The following ATP6V0A2 variants were observed in gnomAD, a reference collection of about 807,000 sequenced individuals.
ATP6V0A2 encodes ATPase H+ transporting V0 subunit a2.
In ATP6V0A2, 58 loss-of-function variants were observed where a neutral mutation model predicts 104.4. The ratio of observed to expected loss-of-function variants is 0.56; its 90% confidence interval spans 0.45 to 0.69. The LOEUF is 0.69. Ranked by LOEUF, ATP6V0A2 falls within the 30% of genes least tolerant of loss-of-function variation. The probability of loss-of-function intolerance (pLI) is 0.00; values close to 1 mark genes in which losing one functional copy is unlikely to be tolerated. For synonymous variants in ATP6V0A2, 376 were observed against 397.9 expected, an observed-to-expected ratio of 0.95 and a Z score of 0.65; for missense variants, 938 against 1,062.9, an observed-to-expected ratio of 0.88 and a Z score of 1.63.
At chr12:123,729,268 A>G (rs1249017298) in intron 6 of ATP6V0A2, among the ~76,000 whole-genome samples, 1 of 147,998 alleles carries the variant, frequency 6.8e-6, no homozygotes, top group Non-Finnish European at 1.5e-5. Context: ...GTCCAGATGC[A>G]TGTTGCAATT....
intron 9 of ATP6V0A2, among the ~76,000 whole-genome samples, chr12:123,743,048 A>C (rs1444678991): frequency 6.6e-6 from 1 of 152,090 alleles, no homozygotes; most frequent in Non-Finnish European, 1.5e-5. Flanking sequence ...TTTTTTATTA[A>C]GTATATTGCA....
intron 9 of ATP6V0A2, among the ~76,000 whole-genome samples, chr12:123,741,874 G>A (rs1214460279): frequency 6.6e-6 from 1 of 152,172 alleles, no homozygotes; most frequent in Non-Finnish European, 1.5e-5. Context: ...AAGATGGCAG[G>A]TTCAGGATAG....
intron 18 of ATP6V0A2, chr12:123,756,597 G>T (rs987704850): frequency 4.5e-5 from 26 of 579,680 alleles, no homozygotes; most frequent in Non-Finnish European, 1.8e-5. Context: ...GATGGCCTCT[G>T]ATATTTTTGG....
At chr12:123,754,616 C>A in intron 18 of ATP6V0A2, 79 bp downstream of exon 18, 1 of 1,011,300 alleles carries the variant, frequency 9.9e-7, no homozygotes, top group Non-Finnish European at 1.6e-6. Flanking sequence ...GATATTTTAA[C>A]TTTGTAACTA....
In ATP6V0A2 at chr12:123,739,564, G is replaced by A. The variant is rs538751603; in HGVS notation, c.1038+2293G>A. Among the ~76,000 whole-genome samples, 22 of 152,258 alleles carry A rather than the reference G, an allele frequency of 1.4e-4. No individual in the cohort carries two copies. The South Asian group carries it at 4.6e-3, about 32-fold the overall frequency. On this transcript the variant is annotated intron_variant, in intron 9 of 19. Transcript: ENST00000330342. ...CTAACAGGCTGTGCCAGGCGGAAGC[G>A]GGGAATCTCAGCCTCCAGCCTGCAG... is the stretch of plus-strand genomic sequence containing the variant.
At chr12:123,717,084 G>A (rs1956348392) in intron 1 of ATP6V0A2, among the ~76,000 whole-genome samples, 1 of 152,014 alleles carries the variant, frequency 6.6e-6, no homozygotes, top group South Asian at 2.1e-4. Context: ...GGAGGCCGAG[G>A]TGGGCGAATC....
chr12:123,746,371 A>G (rs1956662220), intron 13 of ATP6V0A2, among the ~76,000 whole-genome samples: 1 of 152,028 alleles, frequency 6.6e-6, no homozygotes, highest in African/African-American at 2.4e-5. Context: ...ATATAAATAT[A>G]TCAGCGAAGT....
At position 123,727,859 on chromosome 12, in the gene ATP6V0A2, AC is replaced by A. The variant is rs779902622; in HGVS notation, c.600del (p.Ile201SerfsTer20). The A allele has an allele frequency of 2.5e-6, 4 of 1,614,226 alleles. No homozygotes were observed. Among genetic ancestry groups the A allele is most frequent in the Non-Finnish European group, 8.5e-7 (1 of 1,180,028 alleles). On this transcript the variant is annotated frameshift_variant, in exon 6 of 20. Transcript: ENST00000330342. LOFTEE classifies it high-confidence loss of function. ...KMLWRVCKGY[T>X]IVSYAELDES... Reference sequence around the variant, plus strand: ...GTTGTGGAGAGTCTGCAAAGGGTACACCATCGTGTCCTATGCAGAACTGGAT... The same window carrying A: ...GTTGTGGAGAGTCTGCAAAGGGTACACATCGTGTCCTATGCAGAACTGGAT...
Position 123,744,171 on chromosome 12 carries a change from A to G in ATP6V0A2, c.1190-30A>G. 1 of 1,613,982 alleles carries G rather than the reference A, an allele frequency of 6.2e-7. No homozygotes were observed. Among genetic ancestry groups the G allele is most frequent in the Admixed American group, 1.7e-5 (1 of 60,028 alleles). ...CTCAGGTTTTCCATATTTGCTGTGA[A>G]TCAGAAATCTCTTTCCCTTTTTTCT... On this transcript the variant is annotated intron_variant, in intron 10 of 19. Transcript: ENST00000330342. This position sits in a 1 kb window ranked among gnomAD's most constrained non-coding sequence, Gnocchi z 5.4.
chr12:123,753,700 G>A (rs1042785816), intron 17 of ATP6V0A2, among the ~76,000 whole-genome samples: 3 of 152,238 alleles, frequency 2.0e-5, no homozygotes, highest in African/African-American at 7.2e-5. Flanking sequence ...GGGAAGTAGC[G>A]GCTCCCCGCA....
In ATP6V0A2 at chr12:123,758,274, C is replaced by T. The variant is rs541298619; in HGVS notation, c.*242C>T. On this transcript the variant is annotated 3_prime_UTR_variant, in exon 20 of 20. Transcript: ENST00000330342. ...TGAGCAAATATAAGTTAATGCCAAACGTTATGTTAAAGTTATTTTTTCAAA... is the reference window on the plus strand; with the variant it reads ...TGAGCAAATATAAGTTAATGCCAAATGTTATGTTAAAGTTATTTTTTCAAA... The T allele has an allele frequency of 1.7e-5, 6 of 362,766 alleles. No homozygotes were observed. The highest frequency in any genetic ancestry group is 5.3e-5 in the South Asian group (1 of 18,960). 22.5% of individuals were successfully genotyped at this position (362,766 alleles called of 1,614,324 possible).
intron 9 of ATP6V0A2, 109 bp from the exon 10 acceptor site, chr12:123,743,676 C>A: frequency 1.6e-6 from 2 of 1,275,830 alleles, no homozygotes; most frequent in Non-Finnish European, 2.3e-6. Context: ...AACAAAACAA[C>A]ACCACCAAAA....
chr12:123,729,047 G>C (rs901571368), intron 6 of ATP6V0A2, among the ~76,000 whole-genome samples: 1 of 151,848 alleles, frequency 6.6e-6, no homozygotes, highest in African/African-American at 2.4e-5. Context: ...TCTTTTTTTT[G>C]TGTTTGAAAC....
Position 123,729,288 on chromosome 12 carries a change from C to G in ATP6V0A2, c.648+1379C>G, listed in dbSNP as rs867824425. On this transcript the variant is annotated intron_variant, in intron 6 of 19. Coordinates refer to ENST00000330342, the MANE Select transcript of ATP6V0A2 (RefSeq NM_012463.4). ...GATGCATGTTGCAATTCCTCTCACACGGCTCTGGAATCAACTGTTTCTTCA... is the reference window on the plus strand; with the variant it reads ...GATGCATGTTGCAATTCCTCTCACAGGGCTCTGGAATCAACTGTTTCTTCA... Among the ~76,000 whole-genome samples the G allele has an allele frequency of 2.1e-5, 3 of 143,282 alleles. No homozygotes were observed. The East Asian group carries it at 6.5e-4, about 31-fold the overall frequency. 94.0% of individuals were successfully genotyped at this position (143,282 alleles called of 152,430 possible). A position where few individuals can be genotyped will look rare whatever the true frequency, so the allele number is the denominator to read the frequency against.
chr12:123,749,972 A>G (rs1206092705), intron 15 of ATP6V0A2: 2 of 151,828 alleles, frequency 1.3e-5, no homozygotes, highest in Non-Finnish European at 2.9e-5. Context: ...CGAGATGCAT[A>G]TTTGCGTTCT....
chr12:123,733,004 G>A (rs1039440135), intron 6 of ATP6V0A2: 3 of 152,090 alleles, frequency 2.0e-5, no homozygotes, highest in African/African-American at 7.2e-5. Flanking sequence ...ATTATTTACA[G>A]TAGTTATGCT....
chr12:123,744,010 A>G lies in ATP6V0A2; in HGVS notation c.1189+75A>G. On this transcript the variant is annotated intron_variant, in intron 10 of 19. Coordinates refer to ENST00000330342, the MANE Select transcript of ATP6V0A2 (RefSeq NM_012463.4). The surrounding 1 kb of genome is among the most constrained non-coding windows in gnomAD (Gnocchi z 5.4). ...TTCTTGCTCTAAGAATGGAATAGATATTTGGAAAGAGAGGCTGACCATTAC... is the reference window on the plus strand; with the variant it reads ...TTCTTGCTCTAAGAATGGAATAGATGTTTGGAAAGAGAGGCTGACCATTAC... 1.3e-6 allele frequency: 2 copies of G among 1,592,490 alleles called. No homozygotes were observed. The highest frequency in any genetic ancestry group is 1.7e-5 in the Admixed American group (1 of 60,000).
At chr12:123,739,754 T>G (rs1956590274) in intron 9 of ATP6V0A2, among the ~76,000 whole-genome samples, 1 of 151,962 alleles carries the variant, frequency 6.6e-6, no homozygotes. Flanking sequence ...TAGGAGTGAG[T>G]TTTTCTGGAA....
intron 18 of ATP6V0A2, among the ~76,000 whole-genome samples, chr12:123,755,535 CAAA>C (rs757366819): frequency 1.9e-5 from 1 of 53,492 alleles, no homozygotes; most frequent in Non-Finnish European, 3.8e-5. Flanking sequence ...GACTCTGTCT[CAAA>C]AAAAAAAAAA....
Sources: gnomAD v4.1 joint callset for allele counts (sites outside exome capture counted in the v4.1 genomes callset) on GRCh38, gnomAD v4.1.1 for gene constraint, Gnocchi (gnomAD v3.1) non-coding constraint, MANE v1.5 for transcripts, NCBI Gene and HGNC (gene_info 2026-07-23, HGNC 2026-07-21) for gene names.